The following HOMER2 variants were observed in gnomAD, a reference collection of about 807,000 sequenced individuals.
HOMER2 encodes homer protein homolog 2.
In HOMER2, 27 loss-of-function variants were observed where a neutral mutation model predicts 47.0. That is an observed-to-expected ratio of 0.57 (90% CI 0.42 to 0.79). HOMER2 has a LOEUF of 0.79. Among genes scored for constraint, HOMER2 ranks in the 30% least tolerant of loss-of-function variants. HOMER2 has a pLI of 0.00. For synonymous variants in HOMER2, 161 were observed against 163.8 expected (o/e 0.98, Z 0.13); for missense variants, 443 against 435.0 (o/e 1.02, Z -0.16).
intron 3 of HOMER2, among the ~76,000 whole-genome samples, chr15:82,873,905 A>G (rs573230800): frequency 2.0e-5 from 3 of 152,364 alleles, no homozygotes; most frequent in Non-Finnish European, 4.4e-5. Context: ...GTGCACACAT[A>G]TATGTGAGTA....
At chr15:82,842,649 A>G (rs1002171301) in exon 2 of HOMER2, 1 of 151,944 alleles carries the variant, frequency 6.6e-6, no homozygotes, top group Admixed American at 6.6e-5. Flanking sequence ...AAAAAGTTTA[A>G]TGGGGAAGTT....
chr15:82,870,093 A>C (rs1218559913), intron 3 of HOMER2, among the ~76,000 whole-genome samples: 1 of 152,218 alleles, frequency 6.6e-6, no homozygotes, highest in Non-Finnish European at 1.5e-5. Context: ...TGAAACCATT[A>C]CTGTTTGATT....
At chr15:82,890,656 C>T (rs1027503286) in intron 2 of HOMER2, among the ~76,000 whole-genome samples, 1 of 152,204 alleles carries the variant, frequency 6.6e-6, no homozygotes, top group South Asian at 2.1e-4. Context: ...GACACTTTGA[C>T]GAATTACTAA....
chr15:82,882,300 G>A (rs2052545300), intron 2 of HOMER2, among the ~76,000 whole-genome samples: 1 of 152,112 alleles, frequency 6.6e-6, no homozygotes, highest in Non-Finnish European at 1.5e-5. Flanking sequence ...AGAGAAGGTG[G>A]CCAGGCCTGA....
chr15:82,976,114 T>C (rs2030191917), intron 1 of HOMER2, among the ~76,000 whole-genome samples: 1 of 152,142 alleles, frequency 6.6e-6, no homozygotes, highest in East Asian at 1.9e-4. Flanking sequence ...ATCCACATAG[T>C]GTGTGTGTGC....
At chr15:82,853,445 C>A (rs776230114) in intron 6 of HOMER2, among the ~76,000 whole-genome samples, 1 of 152,134 alleles carries the variant, frequency 6.6e-6, no homozygotes, top group Non-Finnish European at 1.5e-5. Flanking sequence ...AAAAATGACA[C>A]GAGACACTTT....
At chr15:82,977,505 T>C (rs1202894614) in intron 1 of HOMER2, among the ~76,000 whole-genome samples, 1 of 152,194 alleles carries the variant, frequency 6.6e-6, no homozygotes, top group East Asian at 1.9e-4. Flanking sequence ...TACGTCACAA[T>C]TTTCAGAGCC....
At chr15:82,964,777 C>T (rs1476863427) in intron 1 of HOMER2, among the ~76,000 whole-genome samples, 1 of 151,958 alleles carries the variant, frequency 6.6e-6, no homozygotes, top group Non-Finnish European at 1.5e-5. Context: ...CTCAAAAAAA[C>T]AAAACAAAAC....
rs536358639 is a variant in HOMER2 at position 82,863,665 on chromosome 15, C to T, written c.387+502G>A. Among the ~76,000 whole-genome samples, 16 of 152,282 alleles carry T rather than the reference C, an allele frequency of 1.1e-4. 1 individual carries two copies. In the South Asian group the frequency reaches 3.3e-3, roughly 32 times the overall value. On this transcript the variant is annotated intron_variant, in intron 4 of 8. Transcript: ENST00000450735. Reference sequence around the variant, plus strand: ...GTGTTGATTTCAGATTAAAATAGGTCCTTTTCAGTCAATCTTCACACTTTA... The same window carrying T: ...GTGTTGATTTCAGATTAAAATAGGTTCTTTTCAGTCAATCTTCACACTTTA...
At chr15:82,896,704 G>A (rs905643631) in intron 1 of HOMER2, among the ~76,000 whole-genome samples, 9 of 131,310 alleles carry the variant, frequency 6.9e-5, no homozygotes, top group South Asian at 5.3e-4. Flanking sequence ...CCTCATCCTC[G>A]AGCCCCTGGG....
chr15:82,869,118 C>T (rs556467107), intron 3 of HOMER2, among the ~76,000 whole-genome samples: 1 of 152,322 alleles, frequency 6.6e-6, no homozygotes, highest in South Asian at 2.1e-4. Context: ...ACAGGGTATC[C>T]CTGCTTTGCA....
chr15:82,906,491 G>C (rs2053290337), intron 1 of HOMER2, among the ~76,000 whole-genome samples: 1 of 150,610 alleles, frequency 6.6e-6, no homozygotes, highest in Non-Finnish European at 1.5e-5. Flanking sequence ...GGAGTGCAAT[G>C]GCTCAATCTC....
At chr15:82,851,253 T>C (rs2151599001) in intron 7 of HOMER2, 22 bp from the exon 8 acceptor site, 1 of 1,478,866 alleles carries the variant, frequency 6.8e-7, no homozygotes, top group South Asian at 1.2e-5. Context: ...AAATTTGAGA[T>C]AGAACATGAA....
chr15:82,868,523 T>TATATATATA (rs2052055665), intron 3 of HOMER2, among the ~76,000 whole-genome samples: 1 of 36,640 alleles, frequency 2.7e-5, no homozygotes, highest in South Asian at 1.8e-3. Context: ...CTTATTTATT[T>TATATATATA]TATATATATA....
chr15:82,939,381 T>C (rs543474989), intron 1 of HOMER2, among the ~76,000 whole-genome samples: 31 of 152,196 alleles, frequency 2.0e-4, no homozygotes, highest in African/African-American at 7.5e-4. Flanking sequence ...AGAACAGGAA[T>C]TTTGGCCGGG....
intron 4 of HOMER2, among the ~76,000 whole-genome samples, chr15:82,861,027 AAG>A (rs140737068): frequency 0.044 from 6,685 of 150,926 alleles, 466 homozygotes; most frequent in African/African-American, 0.15. Context: ...AAAAGAAAAA[AAG>A]AGAAGAGAAA....
chr15:82,848,180 G>C (rs969977853), downstream of HOMER2, among the ~76,000 whole-genome samples: 2 of 152,180 alleles, frequency 1.3e-5, no homozygotes, highest in Non-Finnish European at 2.9e-5. Context: ...AGGAGGACTC[G>C]TGTTCACCTT....
chr15:82,855,818 G>A (rs960863118), intron 5 of HOMER2, among the ~76,000 whole-genome samples: 2 of 152,190 alleles, frequency 1.3e-5, no homozygotes, highest in African/African-American at 2.4e-5. Flanking sequence ...TGAGGAGGAC[G>A]TTTAAAACAA....
intron 1 of HOMER2, among the ~76,000 whole-genome samples, chr15:82,984,386 C>T (rs1416525161): frequency 6.6e-6 from 1 of 152,230 alleles, no homozygotes; most frequent in Non-Finnish European, 1.5e-5. Flanking sequence ...TACTACCCAA[C>T]ACCAAGACTA....
Sources: allele counts gnomAD v4.1 joint callset (sites outside exome capture counted in the v4.1 genomes callset), GRCh38; gene constraint gnomAD v4.1.1; transcripts MANE v1.5; gene names NCBI Gene and HGNC (gene_info 2026-07-23, HGNC 2026-07-21).